FAM184B: variants seen among roughly 807,000 people sequenced by gnomAD.
The protein encoded by FAM184B is protein FAM184B.
In FAM184B, 111 loss-of-function variants were observed where a neutral mutation model predicts 135.9. The ratio of observed to expected loss-of-function variants is 0.82; its 90% confidence interval spans 0.70 to 0.96. The LOEUF is 0.96. Among genes scored for constraint, FAM184B ranks in the 40% least tolerant of loss-of-function variants. The pLI, the probability that FAM184B is intolerant of heterozygous loss-of-function variation, is 0.00. For synonymous variants in FAM184B, 552 were observed against 524.8 expected (o/e 1.05, Z -0.71); for missense variants, 1,375 against 1,323.9 (o/e 1.04, Z -0.60).
intron 1 of FAM184B, among the ~76,000 whole-genome samples, chr4:17,721,463 G>C (rs1717528779): frequency 1.3e-5 from 2 of 149,776 alleles, no homozygotes; most frequent in Admixed American, 6.7e-5. Context: ...AGTTGGGTTT[G>C]GAAAGGTGAG....
At chr4:17,745,880 T>A (rs1718148091) in intron 1 of FAM184B, among the ~76,000 whole-genome samples, 1 of 152,200 alleles carries the variant, frequency 6.6e-6, no homozygotes, top group Non-Finnish European at 1.5e-5. Context: ...AAGAAAAAGA[T>A]GATTGCATAT....
chr4:17,681,456 G>GGGCA (rs1332634808), intron 7 of FAM184B, among the ~76,000 whole-genome samples: 1 of 152,214 alleles, frequency 6.6e-6, no homozygotes, highest in Non-Finnish European at 1.5e-5. Context: ...ATGGAGTGAA[G>GGGCA]GGCAGCCTGC....
intron 1 of FAM184B, among the ~76,000 whole-genome samples, chr4:17,722,644 G>C (rs1014371147): frequency 2.6e-5 from 4 of 152,108 alleles, no homozygotes; most frequent in Non-Finnish European, 5.9e-5. Flanking sequence ...TTCTTAATGA[G>C]AGCCCCACCG....
At chr4:17,775,489 T>C (rs774127143) in intron 1 of FAM184B, among the ~76,000 whole-genome samples, 1 of 152,192 alleles carries the variant, frequency 6.6e-6, no homozygotes, top group Non-Finnish European at 1.5e-5. Flanking sequence ...CCAGCTAGAA[T>C]AGGAAATTTT....
At chr4:17,726,440 CA>C (rs1203178244) in intron 1 of FAM184B, among the ~76,000 whole-genome samples, 5 of 152,108 alleles carry the variant, frequency 3.3e-5, no homozygotes, top group Admixed American at 1.3e-4. Context: ...GGCGTGATCT[CA>C]GCTCACTGCA....
At chr4:17,773,614 G>T (rs2108998600) in intron 1 of FAM184B, among the ~76,000 whole-genome samples, 1 of 152,096 alleles carries the variant, frequency 6.6e-6, no homozygotes, top group South Asian at 2.1e-4. Flanking sequence ...TTTCACTTTT[G>T]TTGCCCAGGC....
At position 17,705,739 on chromosome 4, in the gene FAM184B, G is replaced by A. The variant is rs992188215; in HGVS notation, c.1170+13C>T. ...TGTGCCTTCTCCATCCCCAGGGCTG[G>A]GTCAGACACTACCTGCATATCTGTG... On this transcript the variant is annotated intron_variant, in intron 4 of 17. Coordinates refer to ENST00000265018, the MANE Select transcript of FAM184B (RefSeq NM_015688.2). 6.7e-5 allele frequency: 104 copies of A among 1,551,380 alleles called. No homozygotes were observed. Among genetic ancestry groups the A allele is most frequent in the Non-Finnish European group, 9.0e-5 (103 of 1,146,944 alleles).
chr4:17,653,747 A>T (rs1380192849), intron 10 of FAM184B, among the ~76,000 whole-genome samples: 1 of 151,866 alleles, frequency 6.6e-6, no homozygotes, highest in South Asian at 2.1e-4. Context: ...CCATGTCTGA[A>T]AACTGAGTAT....
chr4:17,632,838 A>G (rs1715001972), intron 17 of FAM184B: 2 of 441,120 alleles, frequency 4.5e-6, no homozygotes, highest in Admixed American at 3.4e-5. Flanking sequence ...AAGGTTCACC[A>G]TTGTTTGGTT....
intron 1 of FAM184B, among the ~76,000 whole-genome samples, chr4:17,716,623 GGT>G (rs960577168): frequency 6.6e-6 from 1 of 151,990 alleles, no homozygotes; most frequent in African/African-American, 2.4e-5. Context: ...TGGGATTATA[GGT>G]GTGTGTCACT....
intron 1 of FAM184B, among the ~76,000 whole-genome samples, chr4:17,716,894 C>A (rs1322220798): frequency 6.6e-6 from 1 of 152,130 alleles, no homozygotes; most frequent in African/African-American, 2.4e-5. Flanking sequence ...CTCACTGCAA[C>A]CTCTGCCTCC....
intron 7 of FAM184B, among the ~76,000 whole-genome samples, chr4:17,664,863 A>G (rs1175908842): frequency 6.6e-6 from 1 of 152,136 alleles, no homozygotes; most frequent in African/African-American, 2.4e-5. Context: ...ACTATGATTA[A>G]TGCCAGCCCT....
At chr4:17,713,897 A>C (rs1717345087) in intron 1 of FAM184B, among the ~76,000 whole-genome samples, 1 of 152,208 alleles carries the variant, frequency 6.6e-6, no homozygotes, top group Non-Finnish European at 1.5e-5. Context: ...AGACAAGAAA[A>C]TGGAAAGTTT....
At chr4:17,701,119 T>C (rs751768055) in intron 5 of FAM184B, among the ~76,000 whole-genome samples, 25 of 152,238 alleles carry the variant, frequency 1.6e-4, no homozygotes, top group Non-Finnish European at 3.5e-4. Context: ...GTTGTTTGAC[T>C]AGATCTTGTC....
chr4:17,674,106 G>C (rs781449814), intron 7 of FAM184B, among the ~76,000 whole-genome samples: 4 of 151,360 alleles, frequency 2.6e-5, no homozygotes, highest in Non-Finnish European at 4.4e-5. Flanking sequence ...CATTAGAAAA[G>C]GTAAATATAT....
chr4:17,744,900 C>G (rs541753391), intron 1 of FAM184B, among the ~76,000 whole-genome samples: 6 of 152,156 alleles, frequency 3.9e-5, no homozygotes, highest in Non-Finnish European at 8.8e-5. Context: ...GATTGAGAGG[C>G]AGCTGGAAGA....
At chr4:17,636,995 C>T (rs1449880624) in intron 14 of FAM184B, among the ~76,000 whole-genome samples, 1 of 152,184 alleles carries the variant, frequency 6.6e-6, no homozygotes, top group African/African-American at 2.4e-5. Flanking sequence ...TGCTGGCGGA[C>T]ATAGAGCGCG....
At chr4:17,740,693 T>C (rs1033595797) in intron 1 of FAM184B, among the ~76,000 whole-genome samples, 1 of 152,188 alleles carries the variant, frequency 6.6e-6, no homozygotes, top group Admixed American at 6.5e-5. Flanking sequence ...CTGGGAGAGA[T>C]GATTGATTGG....
chr4:17,781,096 C>A lies in FAM184B; in HGVS notation c.141+63G>T. ...CCGGGCCTCCCGGGAGGCGCATCCGCACTGACTCCCGGCTCGGGCGCCCCG... is the reference window on the plus strand; with the variant it reads ...CCGGGCCTCCCGGGAGGCGCATCCGAACTGACTCCCGGCTCGGGCGCCCCG... On this transcript the variant is annotated intron_variant, in intron 1 of 17. Coordinates refer to ENST00000265018, the MANE Select transcript of FAM184B (RefSeq NM_015688.2). The surrounding 1 kb of genome is among the most constrained non-coding windows in gnomAD (Gnocchi z 6.5). 1 of 1,475,544 alleles carries A rather than the reference C, an allele frequency of 6.8e-7. No individual in the cohort carries two copies. Among genetic ancestry groups the A allele is most frequent in the South Asian group, 1.3e-5 (1 of 74,340 alleles). 91.4% of individuals were successfully genotyped at this position (1,475,544 alleles called of 1,614,324 possible).
Sources: gnomAD v4.1 joint callset for allele counts (sites outside exome capture counted in the v4.1 genomes callset) on GRCh38, gnomAD v4.1.1 for gene constraint, Gnocchi (gnomAD v3.1) non-coding constraint, MANE v1.5 for transcripts, NCBI Gene and HGNC (gene_info 2026-07-23, HGNC 2026-07-21) for gene names.